ASCC1: variants seen among roughly 807,000 people sequenced by gnomAD.
ASCC1 encodes the protein ASC-1 complex subunit P50.
Under a neutral mutation model 46.6 loss-of-function variants are expected in ASCC1, and 35 were observed. The ratio of observed to expected loss-of-function variants is 0.75; its 90% CI spans 0.57 to 0.99. ASCC1 has a LOEUF of 0.99. ASCC1 is among the 50% of genes least tolerant of loss of function. ASCC1 has a pLI of 0.00. For synonymous variants in ASCC1, 143 were observed against 146.6 expected, an observed-to-expected ratio of 0.98 and a Z score of 0.18; for missense variants, 376 against 428.7, an observed-to-expected ratio of 0.88 and a Z score of 1.09.
intron 7 of ASCC1, among the ~76,000 whole-genome samples, chr10:72,136,470 C>T (rs1248456269): frequency 6.6e-6 from 1 of 152,214 alleles, no homozygotes; most frequent in Non-Finnish European, 1.5e-5. Context: ...AATCAGCACT[C>T]TGTAAAAATG....
intron 3 of ASCC1, among the ~76,000 whole-genome samples, chr10:72,206,951 C>T (rs890308429): frequency 1.3e-5 from 2 of 152,184 alleles, no homozygotes; most frequent in African/African-American, 2.4e-5. Flanking sequence ...TCCTCTGTCT[C>T]ATTTGCTGGC....
chr10:72,100,548 T>C (rs1310384977), intron 9 of ASCC1, among the ~76,000 whole-genome samples: 1 of 151,846 alleles, frequency 6.6e-6, no homozygotes, highest in Non-Finnish European at 1.5e-5. Flanking sequence ...TATTCTTTGT[T>C]TTTTTCCTTT....
rs188260522 is a variant in ASCC1, at chr10:72,130,260, T to C, written c.872-2093A>G. On this transcript the variant is annotated intron_variant, in intron 8 of 9. Coordinates refer to ENST00000672957, the MANE Select transcript of ASCC1 (RefSeq NM_001198800.3). ...AATGGAAAGTGACTGCCAGTGGGTA[T>C]GGGGTTTCATTTTAGGGTGATGAAA... 1.2e-3 allele frequency among the ~76,000 whole-genome samples: 187 copies of C among 152,146 alleles called. 1 individual carries two copies. The highest frequency in any genetic ancestry group is 4.2e-3 in the African/African-American group (176 of 41,516).
At chr10:72,117,549 T>C (rs983636164) in intron 9 of ASCC1, among the ~76,000 whole-genome samples, 32 of 152,228 alleles carry the variant, frequency 2.1e-4, no homozygotes, top group African/African-American at 5.3e-4. Flanking sequence ...CTTGACTCTT[T>C]CTTCCAGTCT....
At chr10:72,212,758 G>A (rs762991793) in intron 2 of ASCC1, among the ~76,000 whole-genome samples, 30 of 152,180 alleles carry the variant, frequency 2.0e-4, no homozygotes, top group Non-Finnish European at 3.7e-4. Flanking sequence ...TGAGGCACCA[G>A]AATCACTTGA....
chr10:72,154,286 G>T (rs1430389233), intron 6 of ASCC1, among the ~76,000 whole-genome samples: 1 of 152,192 alleles, frequency 6.6e-6, no homozygotes, highest in East Asian at 1.9e-4. Flanking sequence ...ATCACCAATG[G>T]CTGCTAAAAC....
intron 6 of ASCC1, among the ~76,000 whole-genome samples, chr10:72,159,853 AT>A (rs1331308355): frequency 1.3e-5 from 2 of 152,002 alleles, no homozygotes; most frequent in African/African-American, 4.8e-5. Flanking sequence ...CTTTGAAAAA[AT>A]TAGTTGAAAA....
intron 9 of ASCC1, among the ~76,000 whole-genome samples, chr10:72,100,553 T>C (rs1414261596): frequency 1.3e-5 from 2 of 152,002 alleles, no homozygotes; most frequent in African/African-American, 2.4e-5. Flanking sequence ...TTTGTTTTTT[T>C]CCTTTTTATT....
chr10:72,155,662 TA>T (rs1848866952), intron 6 of ASCC1, among the ~76,000 whole-genome samples: 1 of 152,362 alleles, frequency 6.6e-6, no homozygotes, highest in Non-Finnish European at 1.5e-5. Context: ...TATCTGTAAT[TA>T]CTGGTTTTCC....
chr10:72,214,065 G>T (rs956140496), intron 1 of ASCC1, among the ~76,000 whole-genome samples: 2 of 144,314 alleles, frequency 1.4e-5, no homozygotes, highest in African/African-American at 5.1e-5. Context: ...AAGAGAAAGA[G>T]AAAAGGGCCA....
intron 9 of ASCC1, among the ~76,000 whole-genome samples, chr10:72,123,544 G>T (rs1844482877): frequency 6.6e-6 from 1 of 151,954 alleles, no homozygotes; most frequent in South Asian, 2.1e-4. Flanking sequence ...GGGGCATTTG[G>T]GAACACTGTA....
At chr10:72,142,830 C>T (rs1235495936) in intron 7 of ASCC1, among the ~76,000 whole-genome samples, 4 of 152,024 alleles carry the variant, frequency 2.6e-5, no homozygotes, top group African/African-American at 9.7e-5. Flanking sequence ...GCATACAATT[C>T]ATATAGTCTC....
intron 8 of ASCC1, among the ~76,000 whole-genome samples, chr10:72,130,156 TATAGAGAC>T (rs1845423522): frequency 6.6e-6 from 1 of 152,072 alleles, no homozygotes; most frequent in African/African-American, 2.4e-5. Context: ...CAGGCAGCTC[TATAGAGAC>T]ATAAAGTAGG....
At chr10:72,209,913 A>G (rs1242214055) in intron 3 of ASCC1, among the ~76,000 whole-genome samples, 4 of 152,182 alleles carry the variant, frequency 2.6e-5, no homozygotes, top group African/African-American at 9.7e-5. Context: ...TGTTTGGATC[A>G]TGGGGGTGGA....
Position 72,121,858 on chromosome 10 carries a change from T to C in ASCC1, c.957+6224A>G, listed in dbSNP as rs572259278. ...ACAGATCCAGAAGGCATAAAATCAG[T>C]GAGGATATAGTAGAACTCAACAGCA... On this transcript the variant is annotated intron_variant, in intron 9 of 9. Coordinates refer to ENST00000672957, the MANE Select transcript of ASCC1 (RefSeq NM_001198800.3). Among the ~76,000 whole-genome samples the C allele has an allele frequency of 2.6e-5, 4 of 152,162 alleles. No individual in the cohort carries two copies. The East Asian group carries it at 7.7e-4, about 29-fold the overall frequency.
chr10:72,204,249 C>CA (rs1856892631), intron 3 of ASCC1, among the ~76,000 whole-genome samples: 1 of 151,900 alleles, frequency 6.6e-6, no homozygotes, highest in African/African-American at 2.4e-5. Context: ...GACTCTGCCT[C>CA]AAAAAATAAA....
At chr10:72,153,570 C>T (rs542559668) in intron 6 of ASCC1, among the ~76,000 whole-genome samples, 10 of 152,018 alleles carry the variant, frequency 6.6e-5, no homozygotes, top group South Asian at 2.1e-4. Context: ...GGACTACAGG[C>T]GCCCGCCACC....
At chr10:72,186,461 A>G (rs1346997547) in intron 5 of ASCC1, among the ~76,000 whole-genome samples, 2 of 152,176 alleles carry the variant, frequency 1.3e-5, no homozygotes, top group Non-Finnish European at 2.9e-5. Flanking sequence ...AGAGGAGCCA[A>G]AAGAACTGAA....
chr10:72,197,074 G>A (rs898087554), intron 4 of ASCC1, 85 bp from the exon 5 acceptor site: 1 of 1,336,342 alleles, frequency 7.5e-7, no homozygotes, highest in Non-Finnish European at 1.1e-6. Context: ...CACCTCTGAG[G>A]AGCTAAAGCA....
Sources: gnomAD v4.1 joint callset for allele counts (sites outside exome capture counted in the v4.1 genomes callset) on GRCh38, gnomAD v4.1.1 for gene constraint, MANE v1.5 for transcripts, NCBI Gene and HGNC (gene_info 2026-07-23, HGNC 2026-07-21) for gene names.